Variants in MAPK6 observed in about 807,000 individuals in gnomAD.
MAPK6 encodes the protein mitogen-activated protein kinase 6.
MAPK6 carries 19 observed loss-of-function variants against 59.3 expected under a neutral mutation model. That is an observed-to-expected ratio of 0.32 (90% confidence interval 0.22 to 0.47). The LOEUF is 0.47. MAPK6 is among the 20% of genes least tolerant of loss of function. MAPK6 has a pLI of 1.00. For synonymous variants in MAPK6, 316 were observed against 290.3 expected (o/e 1.09, Z -0.90); for missense variants, 724 against 847.9 (o/e 0.85, Z 1.81).
In MAPK6 at chr15:52,061,312, G is replaced by C. The variant is rs371392480; in HGVS notation, c.879G>C (p.Leu293=). 9.8e-5 allele frequency: 158 copies of C among 1,613,796 alleles called. No individual in the cohort carries two copies. Among genetic ancestry groups the C allele is most frequent in the Admixed American group, 1.3e-4 (8 of 59,980 alleles). The change falls in exon 5 of 6, where the codon CTG becomes CTC. Residue 293 remains leucine, a synonymous_variant. Coordinates refer to ENST00000261845, the MANE Select transcript of MAPK6 (RefSeq NM_002748.4). ...TTTCCTCTGCAGCACTGGATTTCCT[G>C]GAACAAATTTTGACATTTAGCCCCA... ...PGISREALDF[L]EQILTFSPMD...
At chr15:52,026,979 G>A (rs2030808000) in intron 1 of MAPK6, among the ~76,000 whole-genome samples, 1 of 151,212 alleles carries the variant, frequency 6.6e-6, no homozygotes. Context: ...GAACCCAGGA[G>A]GCGGAGGTTG....
chr15:52,042,171 G>A (rs1004822500), intron 1 of MAPK6, among the ~76,000 whole-genome samples: 10 of 152,196 alleles, frequency 6.6e-5, no homozygotes, highest in Non-Finnish European at 1.3e-4. Flanking sequence ...AGCAGCATTT[G>A]GTCTAATGGA....
intron 2 of MAPK6, among the ~76,000 whole-genome samples, chr15:51,991,445 G>T (rs1411922959): frequency 1.3e-5 from 2 of 152,092 alleles, no homozygotes; most frequent in Non-Finnish European, 2.9e-5. Context: ...AAGTTGAATT[G>T]TTCTGGAAAG....
At chr15:51,996,391 A>C (rs769849056) in intron 2 of MAPK6, among the ~76,000 whole-genome samples, 1 of 151,842 alleles carries the variant, frequency 6.6e-6, no homozygotes, top group Non-Finnish European at 1.5e-5. Context: ...CCTTTTATTT[A>C]TTTATGTATT....
chr15:51,985,784 C>T (rs972156099), intron 2 of MAPK6, among the ~76,000 whole-genome samples: 5 of 152,040 alleles, frequency 3.3e-5, no homozygotes, highest in African/African-American at 1.2e-4. Context: ...CGGTGAAACC[C>T]CGTCTTTACT....
chr15:52,028,206 C>A (rs577458831), intron 1 of MAPK6, among the ~76,000 whole-genome samples: 2 of 152,256 alleles, frequency 1.3e-5, no homozygotes, highest in East Asian at 1.9e-4. Context: ...CCCGCCTCGG[C>A]CTCCCAAAGT....
chr15:51,973,683 G>A (rs1344856711), intron 1 of MAPK6, among the ~76,000 whole-genome samples: 3 of 150,824 alleles, frequency 2.0e-5, no homozygotes, highest in Non-Finnish European at 4.4e-5. Context: ...ACAGAGTTTC[G>A]CTCTTGTTGC....
Position 52,064,087 on chromosome 15 carries a change from A to G in MAPK6, c.1253A>G (p.Asn418Ser), listed in dbSNP as rs138879227. ...CTGGAGGATCCTGCTTTTGATACCAATTACTCTACTGAGCCTTGTTGGCAA... is the reference window on the plus strand; with the variant it reads ...CTGGAGGATCCTGCTTTTGATACCAGTTACTCTACTGAGCCTTGTTGGCAA... ...KYLEDPAFDT[N>S]YSTEPCWQYS... Residue 418 changes from asparagine (N) to serine (S), a missense_variant, in exon 6 of 6, where the codon AAT becomes AGT. This residue lies in a region of MAPK6 where 502 missense variants were observed against 507.6 expected (regional missense o/e 0.99). Coordinates refer to ENST00000261845, the MANE Select transcript of MAPK6 (RefSeq NM_002748.4). 57 of 1,612,624 alleles carry G rather than the reference A, an allele frequency of 3.5e-5. No individual in the cohort carries two copies. In the African/African-American group the frequency reaches 4.1e-4, roughly 12 times the overall value.
Position 52,066,630 on chromosome 15 carries a change from TC to T in MAPK6, c.*1631del, listed in dbSNP as rs2032428690. ...TCTATTAATATCTGCCCACCTACCT[TC>T]TCAACAACTCCATCCTCTTCACCTC... is the stretch of plus-strand genomic sequence containing the variant. On this transcript the variant is annotated 3_prime_UTR_variant, in exon 6 of 6. Transcript: ENST00000261845. 2 of 150,788 alleles carry T rather than the reference TC, an allele frequency of 1.3e-5. No homozygotes were observed. The highest frequency in any genetic ancestry group is 4.2e-4 in the South Asian group (2 of 4,768). The allele number at this position is 150,788 out of a possible 1,614,324, so 9.3% of individuals were successfully genotyped here.
chr15:52,026,289 TTTG>T (rs1257917852), intron 1 of MAPK6, among the ~76,000 whole-genome samples: 13 of 152,082 alleles, frequency 8.5e-5, no homozygotes, highest in Non-Finnish European at 1.6e-4. Flanking sequence ...CTTTTTTTGT[TTTG>T]TTGTTGTCGT....
intron 1 of MAPK6, among the ~76,000 whole-genome samples, chr15:51,983,016 G>A (rs1252697872): frequency 6.6e-6 from 1 of 152,134 alleles, no homozygotes; most frequent in Non-Finnish European, 1.5e-5. Flanking sequence ...TTTCAGATGT[G>A]CAAACACACA....
chr15:52,028,318 C>T (rs530728267), intron 1 of MAPK6, among the ~76,000 whole-genome samples: 1 of 151,972 alleles, frequency 6.6e-6, no homozygotes, highest in Non-Finnish European at 1.5e-5. Context: ...AACTACTGAC[C>T]TCAAGTGATT....
At position 52,064,288 on chromosome 15, in the gene MAPK6, A is replaced by G; in HGVS notation, c.1454A>G (p.Glu485Gly). 2 of 1,610,396 alleles carry G rather than the reference A, an allele frequency of 1.2e-6. No individual in the cohort carries two copies. The highest frequency in any genetic ancestry group is 1.1e-5 in the South Asian group (1 of 90,718). Residue 485 changes from glutamate (E) to glycine (G), a missense_variant, in exon 6 of 6, where the codon GAA becomes GGA. By Grantham distance (98) the Glu-to-Gly change is moderately conservative. Coordinates refer to ENST00000261845, the MANE Select transcript of MAPK6 (RefSeq NM_002748.4). ...DLSNWKEQSKEKSDKKGKSKC... is the reference protein window; with the variant it reads ...DLSNWKEQSKGKSDKKGKSKC... ...TCCAATTGGAAAGAACAAAGCAAAG[A>G]AAAATCTGATAAGAAAGGCAAATCA...
chr15:52,018,337 T>A (rs938789680), upstream of MAPK6, among the ~76,000 whole-genome samples: 1 of 152,206 alleles, frequency 6.6e-6, no homozygotes, highest in African/African-American at 2.4e-5. Context: ...CCCTTTGTGA[T>A]CTTTTTGAAG....
chr15:52,061,615 A>ATG, intron 5 of MAPK6, 115 bp downstream of exon 5: 2 of 810,990 alleles, frequency 2.5e-6, no homozygotes, highest in Non-Finnish European at 3.8e-6. Flanking sequence ...AAATTTAGTA[A>ATG]TGTAAAGATA....
intron 1 of MAPK6, among the ~76,000 whole-genome samples, chr15:52,036,288 G>C (rs1197610635): frequency 6.6e-6 from 1 of 152,164 alleles, no homozygotes; most frequent in African/African-American, 2.4e-5. Flanking sequence ...GTAGACCCCA[G>C]ATCTTTAAAC....
At chr15:52,037,274 C>T (rs777061192) in intron 1 of MAPK6, among the ~76,000 whole-genome samples, 1 of 152,204 alleles carries the variant, frequency 6.6e-6, no homozygotes, top group African/African-American at 2.4e-5. Context: ...ATATGGTTCT[C>T]TCCATTTGAG....
At chr15:52,040,201 A>G (rs949973305) in intron 1 of MAPK6, among the ~76,000 whole-genome samples, 1 of 152,234 alleles carries the variant, frequency 6.6e-6, no homozygotes, top group African/African-American at 2.4e-5. Flanking sequence ...CTACAGCTAC[A>G]TTTATCTGTG....
At chr15:52,015,822 C>T (rs372418373), upstream of MAPK6, among the ~76,000 whole-genome samples, 1 of 146,520 alleles carries the variant, frequency 6.8e-6, no homozygotes, top group Admixed American at 6.7e-5. Flanking sequence ...CTTTGGGAGG[C>T]TGAGGTGGGC....
Sources: gnomAD v4.1 joint callset for allele counts (sites outside exome capture counted in the v4.1 genomes callset) on GRCh38, gnomAD v4.1.1 for gene constraint, gnomAD v4.1.1 regional missense constraint, MANE v1.5 for transcripts, NCBI Gene and HGNC (gene_info 2026-07-23, HGNC 2026-07-21) for gene names.